GPLD1: variants seen among roughly 807,000 people sequenced by gnomAD.
The protein encoded by GPLD1 is glycosylphosphatidylinositol specific phospholipase D1.
GPLD1 carries 84 observed loss-of-function variants against 112.6 expected under a neutral mutation model. The observed-to-expected ratio is 0.75, with a 90% confidence interval of 0.63 to 0.89. GPLD1 has a LOEUF of 0.89. Ranked by LOEUF, GPLD1 falls within the 40% of genes least tolerant of loss-of-function variation. The pLI is 0.00. For missense variants in GPLD1, 1,044 were observed against 1,051.5 expected (o/e 0.99, Z 0.10); for synonymous variants, 386 against 403.8 (o/e 0.96, Z 0.53).
At chr6:24,454,978 A>T (rs537578177) in intron 13 of GPLD1, among the ~76,000 whole-genome samples, 1 of 152,196 alleles carries the variant, frequency 6.6e-6, no homozygotes, top group Non-Finnish European at 1.5e-5. Context: ...AAAATACAAA[A>T]ATTAGCTGGG....
intron 24 of GPLD1, among the ~76,000 whole-genome samples, chr6:24,429,521 C>T (rs2127307287): frequency 1.3e-5 from 2 of 152,284 alleles, no homozygotes; most frequent in Middle Eastern, 6.8e-3. Flanking sequence ...TTCAGAATTG[C>T]CTTCAAAACC....
intron 2 of GPLD1, among the ~76,000 whole-genome samples, chr6:24,483,053 C>A (rs571222487): frequency 3.3e-5 from 5 of 152,116 alleles, no homozygotes; most frequent in Non-Finnish European, 4.4e-5. Context: ...AAAGGCTGCA[C>A]GCAGCAGCTT....
intron 4 of GPLD1, 101 bp downstream of exon 4, chr6:24,476,080 C>G (rs1436306446): frequency 1.6e-6 from 1 of 644,980 alleles, no homozygotes; most frequent in Non-Finnish European, 2.8e-6. Context: ...GAATGGTGGG[C>G]AGCCCTTACA....
At chr6:24,471,879 C>T (rs1763835357) in intron 7 of GPLD1, among the ~76,000 whole-genome samples, 1 of 152,134 alleles carries the variant, frequency 6.6e-6, no homozygotes, top group African/African-American at 2.4e-5. Flanking sequence ...TGCCACCACA[C>T]CTAGCTAAGA....
chr6:24,482,693 G>A (rs1367690807), intron 2 of GPLD1, among the ~76,000 whole-genome samples: 1 of 151,468 alleles, frequency 6.6e-6, no homozygotes, highest in African/African-American at 2.4e-5. Flanking sequence ...GCAAGGTGGT[G>A]CACACCTGTA....
At chr6:24,487,977 T>C (rs957526987) in intron 1 of GPLD1, among the ~76,000 whole-genome samples, 40 of 152,218 alleles carry the variant, frequency 2.6e-4, no homozygotes, top group African/African-American at 8.9e-4. Flanking sequence ...TGATAACAGG[T>C]TCTTGCCCAT....
At chr6:24,483,942 ACT>A (rs372466593) in intron 2 of GPLD1, among the ~76,000 whole-genome samples, 55 of 150,584 alleles carry the variant, frequency 3.7e-4, no homozygotes, top group African/African-American at 1.2e-3. Context: ...ATGGAGTCTC[ACT>A]CTGTCTCCCA....
chr6:24,440,597 A>AAAAAAAAT, intron 20 of GPLD1, among the ~76,000 whole-genome samples: 1 of 150,288 alleles, frequency 6.7e-6, no homozygotes, highest in Admixed American at 6.6e-5. Context: ...AAAAAAAAAA[A>AAAAAAAAT]GAAGCATAAT....
intron 1 of GPLD1, among the ~76,000 whole-genome samples, chr6:24,486,668 A>C (rs1488856987): frequency 6.6e-6 from 1 of 152,140 alleles, no homozygotes; most frequent in Non-Finnish European, 1.5e-5. Context: ...AATACAAAAA[A>C]TTAGCCAGGC....
chr6:24,460,985 C>T (rs1763415056), intron 11 of GPLD1, among the ~76,000 whole-genome samples: 1 of 152,074 alleles, frequency 6.6e-6, no homozygotes, highest in South Asian at 2.1e-4. Flanking sequence ...TCAGGTGATC[C>T]ACCTGCCTCG....
intron 13 of GPLD1, among the ~76,000 whole-genome samples, chr6:24,455,447 A>G (rs1763235561): frequency 1.3e-5 from 2 of 152,344 alleles, no homozygotes; most frequent in African/African-American, 2.4e-5. Context: ...AAGGAGTATG[A>G]TTTTTTTAAA....
chr6:24,493,943 CCTG>C (rs1202654759), upstream of GPLD1, among the ~76,000 whole-genome samples: 5 of 152,216 alleles, frequency 3.3e-5, no homozygotes, highest in Admixed American at 6.5e-5. Flanking sequence ...CCAGCATACG[CCTG>C]CTATTTTTAT....
rs371504470 is a variant in GPLD1 at position 24,436,947 on chromosome 6, G to A, written c.2197+166C>T. The stretch of plus-strand genomic sequence containing the variant: ...GTGATTCTCATATTACCAGCTTCAA[G>A]AAGTGCAACTCCCTCTCTGGTCTTG... On this transcript the variant is annotated intron_variant, in intron 21 of 24. Transcript: ENST00000230036. 8.5e-5 allele frequency among the ~76,000 whole-genome samples: 13 copies of A among 152,304 alleles called. 1 individual carries two copies. The South Asian group carries it at 2.5e-3, about 29-fold the overall frequency.
At chr6:24,457,601 G>A (rs1047795661) in intron 12 of GPLD1, among the ~76,000 whole-genome samples, 8 of 152,048 alleles carry the variant, frequency 5.3e-5, no homozygotes, top group African/African-American at 9.7e-5. Context: ...CCTCCAGACC[G>A]GCCAGGCGTG....
At chr6:24,434,536 G>GT (rs112493821) in intron 22 of GPLD1, among the ~76,000 whole-genome samples, 9,947 of 152,140 alleles carry the variant, frequency 0.065, 756 homozygotes, top group African/African-American at 0.19. Flanking sequence ...GTTGTGCCCT[G>GT]CCTTCCTGGC....
intron 11 of GPLD1, among the ~76,000 whole-genome samples, chr6:24,462,316 T>C (rs1763464275): frequency 6.6e-6 from 1 of 151,942 alleles, no homozygotes; most frequent in Non-Finnish European, 1.5e-5. Flanking sequence ...TCATTTTTTG[T>C]AGATATAGGG....
chr6:24,493,946 G>A (rs1348641688), upstream of GPLD1, among the ~76,000 whole-genome samples: 1 of 152,206 alleles, frequency 6.6e-6, no homozygotes, highest in Non-Finnish European at 1.5e-5. Context: ...GCATACGCCT[G>A]CTATTTTTAT....
intron 10 of GPLD1, among the ~76,000 whole-genome samples, chr6:24,464,989 T>C (rs9467177): frequency 0.073 from 10,920 of 150,566 alleles, 1,129 homozygotes; most frequent in African/African-American, 0.23. Flanking sequence ...GGTCAGGAGA[T>C]CGAGACCAGC....
rs200111988 is a variant in GPLD1 at position 24,460,234 on chromosome 6, A to G, written c.1008+45T>C. On this transcript the variant is annotated intron_variant, in intron 12 of 24. Transcript: ENST00000230036. ...GGACTCAGCGAAACAAGGTATCTCA[A>G]GAAGCAGCATTCCTCTTTCTCAACT... 7.1e-4 allele frequency: 1,147 copies of G among 1,609,662 alleles called. 4 individuals carry two copies. The highest frequency in any genetic ancestry group is 3.8e-3 in the South Asian group (349 of 90,858).
Sources: allele counts gnomAD v4.1 joint callset (sites outside exome capture counted in the v4.1 genomes callset), GRCh38; gene constraint gnomAD v4.1.1; transcripts MANE v1.5; gene names NCBI Gene and HGNC (gene_info 2026-07-23, HGNC 2026-07-21).